ACIN1: variants seen among roughly 807,000 people sequenced by gnomAD.
ACIN1 encodes the protein apoptotic chromatin condensation inducer in the nucleus.
A neutral mutation model predicts 146.6 loss-of-function variants in ACIN1; 16 were observed. That is an observed-to-expected ratio of 0.11 (90% CI 0.07 to 0.17). The LOEUF (loss-of-function observed/expected upper bound fraction) is 0.17, where lower values mean the gene tolerates loss of function less well. ACIN1 is among the 10% of genes least tolerant of loss of function. ACIN1 has a pLI of 1.00. For synonymous variants in ACIN1, 569 were observed against 582.7 expected, an observed-to-expected ratio of 0.98 and a Z score of 0.34; for missense variants, 1,357 against 1,609.3, an observed-to-expected ratio of 0.84 and a Z score of 2.68.
At chr14:23,083,337 C>T (rs2047998995) in intron 4 of ACIN1, among the ~76,000 whole-genome samples, 1 of 152,054 alleles carries the variant, frequency 6.6e-6, no homozygotes, top group South Asian at 2.1e-4. Context: ...TCCCAAAGTG[C>T]TGAGATTAAG....
upstream of ACIN1, chr14:23,095,388 A>T: frequency 2.1e-6 from 3 of 1,407,878 alleles, no homozygotes; most frequent in Non-Finnish European, 2.9e-6. Flanking sequence ...AATCGAATAT[A>T]TTCGGAAACC....
intron 18 of ACIN1, among the ~76,000 whole-genome samples, chr14:23,059,988 C>T (rs1448397458): frequency 1.6e-5 from 2 of 122,024 alleles, no homozygotes; most frequent in Admixed American, 8.7e-5. Flanking sequence ...GAGACAGTCT[C>T]ACTCTGTCGC....
chr14:23,089,544 T>C (rs1474379125), intron 4 of ACIN1, among the ~76,000 whole-genome samples: 1 of 152,214 alleles, frequency 6.6e-6, no homozygotes, highest in Middle Eastern at 3.2e-3. Context: ...CTGAGACTTG[T>C]TTCTTTCTTT....
chr14:23,068,429 T>C lies in ACIN1; in HGVS notation c.2265+1047A>G, dbSNP rs1458262054. 6.1e-6 allele frequency: 6 copies of C among 985,924 alleles called. No homozygotes were observed. The South Asian group carries it at 2.8e-4, about 46-fold the overall frequency. 61.1% of individuals were successfully genotyped at this position (985,924 alleles called of 1,614,324 possible). A position where few individuals can be genotyped will look rare whatever the true frequency, so the allele number is the denominator to read the frequency against. ...TTCCAAATGTTTTTTGCTTGCTCAA[T>C]ACAAGTCTCTCCAGAACAGTGTTCT... On this transcript the variant is annotated intron_variant, in intron 9 of 18. Transcript: ENST00000605057. The surrounding 1 kb of genome is among the most constrained non-coding windows in gnomAD (Gnocchi z 4.3).
chr14:23,086,017 C>T (rs1384609067), intron 4 of ACIN1, among the ~76,000 whole-genome samples: 16 of 152,162 alleles, frequency 1.1e-4, no homozygotes, highest in Non-Finnish European at 1.5e-5. Context: ...GTTCTTCATC[C>T]TAGAAAACAA....
chr14:23,071,658 T>C (rs1230502788), intron 8 of ACIN1: 4 of 1,253,172 alleles, frequency 3.2e-6, no homozygotes, highest in Non-Finnish European at 4.3e-6. Context: ...GCAAGGTTCT[T>C]ATCCTTTGGC....
chr14:23,095,280 T>TCCACATCGTTA (rs1206263244), upstream of ACIN1: 6 of 1,596,582 alleles, frequency 3.8e-6, no homozygotes, highest in African/African-American at 1.3e-5. Context: ...TGTTTCCGTC[T>TCCACATCGTTA]CCACATCGTT....
Position 23,061,111 on chromosome 14 carries a change from G to A in ACIN1, c.3498C>T (p.Ile1166=). 6.2e-7 allele frequency: 1 copy of A among 1,614,118 alleles called. No individual in the cohort carries two copies. Among genetic ancestry groups the A allele is most frequent in the Non-Finnish European group, 8.5e-7 (1 of 1,180,030 alleles). Residue 1166 remains isoleucine (I), a synonymous_variant, in exon 18 of 19, where the codon ATC becomes ATT. Coordinates refer to ENST00000605057, the MANE Select transcript of ACIN1 (RefSeq NM_001386863.1). ...LFRKTKAAPC[I]YWLPLTDSQI... ...GGCTGTCAGTCAGTGGGAGCCAATA[G>A]ATGCAGGGAGCTGCCTTGGTCTTTC...
intron 8 of ACIN1, among the ~76,000 whole-genome samples, chr14:23,071,840 G>T (rs566435864): frequency 6.6e-6 from 1 of 152,310 alleles, no homozygotes; most frequent in South Asian, 2.1e-4. Context: ...TTGATTGGAA[G>T]ATTCTAGAAA....
intron 2 of ACIN1, among the ~76,000 whole-genome samples, chr14:23,091,351 T>A (rs2048221222): frequency 6.6e-6 from 1 of 152,014 alleles, no homozygotes; most frequent in Admixed American, 6.6e-5. Context: ...GTAATCCCAG[T>A]ACTTTGGGAG....
At chr14:23,074,965 G>A (rs1214972677) in intron 8 of ACIN1, among the ~76,000 whole-genome samples, 1 of 152,122 alleles carries the variant, frequency 6.6e-6, no homozygotes, top group Non-Finnish European at 1.5e-5. Flanking sequence ...AAGCATACTG[G>A]TCCCAAGATA....
Position 23,090,529 on chromosome 14 carries a change from T to C in ACIN1, c.309A>G (p.Glu103=), listed in dbSNP as rs761917040. 5.0e-6 allele frequency: 8 copies of C among 1,613,940 alleles called. No individual in the cohort carries two copies. Among genetic ancestry groups the C allele is most frequent in the Non-Finnish European group, 6.8e-6 (8 of 1,179,826 alleles). Residue 103 remains glutamate (E), a synonymous_variant, in exon 3 of 19, where the codon GAA becomes GAG. Coordinates refer to ENST00000605057, the MANE Select transcript of ACIN1 (RefSeq NM_001386863.1). Reference sequence around the variant, plus strand: ...GTGACAATCTGGGCTTACCTTCAAGTTCTGCAGCTTCTCGAGCTTCACGTT... The same window carrying C: ...GTGACAATCTGGGCTTACCTTCAAGCTCTGCAGCTTCTCGAGCTTCACGTT... The part of the protein sequence containing the change: ...RLEREAREAA[E]LEEASAESED...
Position 23,085,006 on chromosome 14 carries a change from C to T in ACIN1, c.437-3170G>A, listed in dbSNP as rs149825000. On this transcript the variant is annotated intron_variant, in intron 4 of 18. Transcript: ENST00000605057. ...GAAAGAAGCTGATTTATCTCACACA[C>T]ACCAAAAAAAAAAGGCAAGTGCAAG... is the stretch of plus-strand genomic sequence containing the variant. 4.8e-3 allele frequency among the ~76,000 whole-genome samples: 723 copies of T among 151,578 alleles called. 7 individuals are homozygous for T. The highest frequency in any genetic ancestry group is 0.016 in the African/African-American group (646 of 41,252).
chr14:23,094,707 G>C, intron 1 of ACIN1: 2 of 655,712 alleles, frequency 3.1e-6, no homozygotes, highest in South Asian at 5.4e-5. Context: ...AGGAGGGGGT[G>C]GGGGAAGGAG....
At chr14:23,085,752 A>C (rs1594781805) in intron 4 of ACIN1, among the ~76,000 whole-genome samples, 1 of 152,246 alleles carries the variant, frequency 6.6e-6, no homozygotes, top group South Asian at 2.1e-4. Context: ...ATCTTCTATT[A>C]TAAGAACATG....
In ACIN1 at chr14:23,071,613, G is replaced by A. The variant is rs560379119; in HGVS notation, c.2124-1996C>T. Reference sequence around the variant, plus strand: ...ATGGGGGAGGGCCTTGCTGCAGCAGGGGAGGGGAAAGAAAAGAGGGAGGGA... The same window carrying A: ...ATGGGGGAGGGCCTTGCTGCAGCAGAGGAGGGGAAAGAAAAGAGGGAGGGA... On this transcript the variant is annotated intron_variant, in intron 8 of 18. Transcript: ENST00000605057. 2.7e-6 allele frequency: 4 copies of A among 1,496,428 alleles called. No individual in the cohort carries two copies. In the African/African-American group the frequency reaches 4.2e-5, roughly 16 times the overall value. 92.7% of individuals were successfully genotyped at this position (1,496,428 alleles called of 1,614,324 possible). A position where few individuals can be genotyped will look rare whatever the true frequency, so the allele number is the denominator to read the frequency against.
intron 2 of ACIN1, among the ~76,000 whole-genome samples, chr14:23,092,841 C>T (rs976870103): frequency 8.5e-5 from 13 of 152,080 alleles, no homozygotes; most frequent in African/African-American, 2.9e-4. Context: ...GGTATTTCCC[C>T]TAGGAAGCTC....
intron 12 of ACIN1, 85 bp downstream of exon 12, chr14:23,064,020 A>G: frequency 4.5e-6 from 7 of 1,564,420 alleles, no homozygotes; most frequent in Non-Finnish European, 6.1e-6. Flanking sequence ...AGTTCCCTCC[A>G]AAGACTTTAT....
chr14:23,072,273 T>C (rs2047682438), intron 8 of ACIN1, among the ~76,000 whole-genome samples: 1 of 152,124 alleles, frequency 6.6e-6, no homozygotes, highest in Non-Finnish European at 1.5e-5. Context: ...AACTTTGTTT[T>C]ATAGAGTCTT....
Sources: allele counts gnomAD v4.1 joint callset (sites outside exome capture counted in the v4.1 genomes callset), GRCh38; gene constraint gnomAD v4.1.1; non-coding constraint Gnocchi (gnomAD v3.1); transcripts MANE v1.5; gene names NCBI Gene and HGNC (gene_info 2026-07-23, HGNC 2026-07-21).